The following HECTD4 variants were observed in gnomAD, a reference collection of about 807,000 sequenced individuals.
The protein encoded by HECTD4 is probable E3 ubiquitin-protein ligase HECTD4.
HECTD4 carries 114 observed loss-of-function variants against 471.5 expected under a neutral mutation model. That is an observed-to-expected ratio of 0.24 (90% CI 0.21 to 0.28). HECTD4 has a LOEUF of 0.28. Ranked by LOEUF, HECTD4 falls within the 10% of genes least tolerant of loss-of-function variation. The pLI is 1.00. For synonymous variants in HECTD4, 2,012 were observed against 2,256.0 expected (o/e 0.89, Z 3.07); for missense variants, 3,866 against 5,651.5 (o/e 0.68, Z 10.13).
At chr12:112,281,493 C>G (rs2034640852) in intron 8 of HECTD4, among the ~76,000 whole-genome samples, 1 of 152,120 alleles carries the variant, frequency 6.6e-6, no homozygotes, top group Non-Finnish European at 1.5e-5. Context: ...AAGGGACAAA[C>G]CCAGATCAGG....
rs770450789 is a variant in HECTD4, at chr12:112,195,043, G to A, written c.8591C>T (p.Ala2864Val). The A allele has an allele frequency of 9.4e-6, 15 of 1,603,336 alleles. No homozygotes were observed. Among genetic ancestry groups the A allele is most frequent in the South Asian group, 9.0e-5 (8 of 88,976 alleles). Residue 2864 changes from alanine to valine, a missense_variant, in exon 56 of 76, where the codon GCG becomes GTG. Physicochemically the swap from Ala to Val is moderately conservative, Grantham distance 64. Around this residue, in one of 16 missense-constraint regions of HECTD4, gnomAD observed 266 missense variants for 441.6 expected, o/e 0.60. Coordinates refer to ENST00000682272, the MANE Select transcript of HECTD4 (RefSeq NM_001388303.1). ...IHRELLRCEA[A>V]LARLYCRMAL... ...CATGCGGCAGTACAGCCTGGCCAGC[G>A]CAGCCTCGCAGCGCAGCAGCTCCCT... is the stretch of plus-strand genomic sequence containing the variant.
intron 27 of HECTD4, 23 bp from the exon 28 acceptor site, chr12:112,247,573 G>A: frequency 8.1e-7 from 1 of 1,238,276 alleles, no homozygotes; most frequent in East Asian, 2.7e-5. Context: ...AAGATGGTAT[G>A]CAGAATCTGC....
rs1319363583 is a variant in HECTD4 at position 112,382,210 on chromosome 12, A to C, written c.-82T>G. Reference sequence around the variant, plus strand: ...CAGGAGCCGCCGCGATCACCAGTCCATGGCAGCGGCCGCCGCGCCCGCCAG... The same window carrying C: ...CAGGAGCCGCCGCGATCACCAGTCCCTGGCAGCGGCCGCCGCGCCCGCCAG... On this transcript the variant is annotated 5_prime_UTR_variant, in exon 1 of 76. The change abolishes an upstream ATG in the 5' untranslated region. Coordinates refer to ENST00000682272, the MANE Select transcript of HECTD4 (RefSeq NM_001388303.1). 7.2e-6 allele frequency: 8 copies of C among 1,113,904 alleles called. No individual in the cohort carries two copies. Among genetic ancestry groups the C allele is most frequent in the Non-Finnish European group, 9.0e-6 (8 of 887,982 alleles). 69.0% of individuals were successfully genotyped at this position (1,113,904 alleles called of 1,614,324 possible).
In HECTD4 at chr12:112,235,959, A is replaced by G. The variant is rs2033494082; in HGVS notation, c.5445-175T>C. ...AATTTTGGAAACATTTGATGAAACCAAACAACACTAATACTTAAAAAGAAA... is the reference window on the plus strand; with the variant it reads ...AATTTTGGAAACATTTGATGAAACCGAACAACACTAATACTTAAAAAGAAA... On this transcript the variant is annotated intron_variant, in intron 35 of 75. Coordinates refer to ENST00000682272, the MANE Select transcript of HECTD4 (RefSeq NM_001388303.1). This position sits in a 1 kb window ranked among gnomAD's most constrained non-coding sequence, Gnocchi z 5.0. Among the ~76,000 whole-genome samples, 1 of 152,222 alleles carries G rather than the reference A, an allele frequency of 6.6e-6. No homozygotes were observed. Among genetic ancestry groups the G allele is most frequent in the South Asian group, 2.1e-4 (1 of 4,826 alleles).
chr12:112,264,194 G>A lies in HECTD4; in HGVS notation c.2638C>T (p.Arg880Cys), dbSNP rs199923734. The A allele has an allele frequency of 8.8e-6, 14 of 1,598,666 alleles. No homozygotes were observed. Among genetic ancestry groups the A allele is most frequent in the South Asian group, 5.7e-5 (5 of 87,596 alleles). ...TGATTCTGAACTGCCATCAGATAGC[G>A]CAGGCAGGAGGATGCAGCCTTTAAT... ...STVPAASSCL[R>C]YLMAVQNHLL... Residue 880 changes from arginine (R) to cysteine (C), a missense_variant, in exon 17 of 76, where the codon CGC (arginine) becomes TGC (cysteine). Transcript: ENST00000682272.
intron 9 of HECTD4, 75 bp downstream of exon 9, chr12:112,279,153 A>G: frequency 7.5e-7 from 1 of 1,327,510 alleles, no homozygotes; most frequent in Non-Finnish European, 1.0e-6. Flanking sequence ...TAAGTTTTAA[A>G]TAATTAATAG....
chr12:112,311,300 T>C (rs1005467097), intron 4 of HECTD4, among the ~76,000 whole-genome samples: 39 of 150,118 alleles, frequency 2.6e-4, no homozygotes, highest in African/African-American at 9.5e-4. Context: ...GTCTAAAAAC[T>C]ATATAAGAAA....
chr12:112,267,729 T>C (rs1012350076), intron 13 of HECTD4, among the ~76,000 whole-genome samples: 2 of 152,246 alleles, frequency 1.3e-5, no homozygotes, highest in Admixed American at 1.3e-4. Flanking sequence ...TTCTCAGCTT[T>C]TCCGAAGAGA....
At chr12:112,357,019 ATACTT>A (rs1267672562) in intron 1 of HECTD4, among the ~76,000 whole-genome samples, 1 of 152,236 alleles carries the variant, frequency 6.6e-6, no homozygotes, top group African/African-American at 2.4e-5. Context: ...TGTACGGAAC[ATACTT>A]TATTTTCCAG....
chr12:112,321,213 A>C (rs1177525626), intron 1 of HECTD4, among the ~76,000 whole-genome samples: 1 of 152,190 alleles, frequency 6.6e-6, no homozygotes, highest in African/African-American at 2.4e-5. Flanking sequence ...TATCCAATTC[A>C]TATTAGATTG....
intron 1 of HECTD4, among the ~76,000 whole-genome samples, chr12:112,328,565 T>C (rs577635218): frequency 1.2e-4 from 18 of 152,158 alleles, no homozygotes; most frequent in Admixed American, 2.6e-4. Context: ...CATAGCCAAA[T>C]TGAATTGCAT....
intron 44 of HECTD4, 175 bp from the exon 45 acceptor site, chr12:112,219,664 G>A: frequency 2.2e-6 from 1 of 447,660 alleles, no homozygotes. Flanking sequence ...CAGTGGCGCG[G>A]TCCTGGCTTA....
At position 112,193,119 on chromosome 12, in the gene HECTD4, G is replaced by A. The variant is rs1296178025; in HGVS notation, c.9028C>T (p.Pro3010Ser). Residue 3010 changes from proline (P) to serine (S), a missense_variant, in exon 58 of 76, where the codon CCC (proline) becomes TCC (serine). Pro to Ser is a moderately conservative substitution (Grantham distance 74). Coordinates refer to ENST00000682272, the MANE Select transcript of HECTD4 (RefSeq NM_001388303.1). This position sits in a 1 kb window ranked among gnomAD's most constrained non-coding sequence, Gnocchi z 5.2. ...ESKVNMDVNF[P>S]GAAFVVVSCK... ...GACACAACAACAAAAGCTGCCCCGG[G>A]GAAATTCACGTCCATGTTGACTTTG... 1.9e-6 allele frequency: 3 copies of A among 1,613,832 alleles called. No homozygotes were observed. Among genetic ancestry groups the A allele is most frequent in the Non-Finnish European group, 1.7e-6 (2 of 1,179,912 alleles).
chr12:112,200,794 T>C lies in HECTD4; in HGVS notation c.8411A>G (p.Asn2804Ser), dbSNP rs1019966194. The C allele has an allele frequency of 6.2e-7, 1 of 1,611,994 alleles. No individual in the cohort carries two copies. The highest frequency in any genetic ancestry group is 8.5e-7 in the Non-Finnish European group (1 of 1,178,466). Reference sequence around the variant, plus strand: ...GTACGTTTCTACCTGCACCAGTTCATTCACCTACAATAGGAAAAGAAAATG... The same window carrying C: ...GTACGTTTCTACCTGCACCAGTTCACTCACCTACAATAGGAAAAGAAAATG... Reference protein sequence around the residue: ...HGVVLDVDSVNELVQVETYLR... With the variant: ...HGVVLDVDSVSELVQVETYLR... The change falls in exon 55 of 76, where the codon AAT becomes AGT. Residue 2804 changes from asparagine (N) to serine (S), a missense_variant. Around this residue, in one of 16 missense-constraint regions of HECTD4, gnomAD observed 266 missense variants for 441.6 expected, o/e 0.60. Coordinates refer to ENST00000682272, the MANE Select transcript of HECTD4 (RefSeq NM_001388303.1).
intron 54 of HECTD4, among the ~76,000 whole-genome samples, chr12:112,201,939 A>G (rs2032441174): frequency 6.6e-6 from 1 of 152,242 alleles, no homozygotes; most frequent in Non-Finnish European, 1.5e-5. Context: ...GAGAGAAATT[A>G]CCTTAGAAAT....
chr12:112,255,180 C>T (rs2135594002), intron 21 of HECTD4, among the ~76,000 whole-genome samples: 1 of 152,064 alleles, frequency 6.6e-6, no homozygotes, highest in Admixed American at 6.5e-5. Flanking sequence ...AAAGGAGAAA[C>T]AAAACGACAC....
chr12:112,372,239 A>C (rs1279274556), intron 1 of HECTD4, among the ~76,000 whole-genome samples: 2 of 151,438 alleles, frequency 1.3e-5, no homozygotes, highest in East Asian at 3.9e-4. Context: ...CAGCCTCCCA[A>C]GTAGCCAACC....
chr12:112,191,026 A>G, intron 59 of HECTD4, 61 bp from the exon 60 acceptor site: 2 of 1,406,554 alleles, frequency 1.4e-6, no homozygotes, highest in South Asian at 2.7e-5. Flanking sequence ...AATAAGCCTC[A>G]CAAAAGGTCC....
rs149709896 is a variant in HECTD4, at chr12:112,320,022, C to T, written c.178-280G>A. Among the ~76,000 whole-genome samples, 47 of 152,244 alleles carry T rather than the reference C, an allele frequency of 3.1e-4. No homozygotes were observed. In the East Asian group the frequency reaches 8.3e-3, roughly 27 times the overall value. On this transcript the variant is annotated intron_variant, in intron 1 of 75. Transcript: ENST00000682272. The stretch of plus-strand genomic sequence containing the variant: ...TAAGTGTGAAAGTCAGAAATTAACT[C>T]CATAATTTATTTTAGAAAATTGAAG...
Sources: allele counts gnomAD v4.1 joint callset (sites outside exome capture counted in the v4.1 genomes callset), GRCh38; gene constraint gnomAD v4.1.1; regional missense constraint gnomAD v4.1.1; non-coding constraint Gnocchi (gnomAD v3.1); transcripts MANE v1.5; gene names NCBI Gene and HGNC (gene_info 2026-07-23, HGNC 2026-07-21).